GORAB: variants seen among roughly 807,000 people sequenced by gnomAD.
GORAB encodes the protein RAB6-interacting golgin.
In GORAB, 17 loss-of-function variants were observed where a neutral mutation model predicts 29.9. The observed-to-expected ratio is 0.57, with a 90% CI of 0.39 to 0.85. The LOEUF is 0.85. Among genes scored for constraint, GORAB ranks in the 40% least tolerant of loss-of-function variants. GORAB has a pLI of 0.00. For missense variants in GORAB, 442 were observed against 437.8 expected (o/e 1.01, Z -0.09); for synonymous variants, 183 against 157.2 (o/e 1.16, Z -1.23).
chr1:170,537,950 T>C (rs1326156250), intron 1 of GORAB, among the ~76,000 whole-genome samples: 1 of 152,198 alleles, frequency 6.6e-6, no homozygotes, highest in African/African-American at 2.4e-5. Context: ...TAAGTGACAT[T>C]TTTTGATGGT....
chr1:170,541,143 G>A (rs886948834), intron 2 of GORAB, among the ~76,000 whole-genome samples: 2 of 138,862 alleles, frequency 1.4e-5, no homozygotes, highest in African/African-American at 5.3e-5. Flanking sequence ...GGTGGACGTT[G>A]CAGTGAGCCA....
At chr1:170,537,963 G>C (rs1001579483) in intron 1 of GORAB, among the ~76,000 whole-genome samples, 2 of 152,140 alleles carry the variant, frequency 1.3e-5, no homozygotes, top group African/African-American at 4.8e-5. Context: ...TTGATGGTGT[G>C]AATAAAGATC....
At chr1:170,545,783 TAAGA>T in intron 4 of GORAB, 1 of 973,212 alleles carries the variant, frequency 1.0e-6, no homozygotes, top group Non-Finnish European at 1.2e-6. Flanking sequence ...GTTGAGTGTT[TAAGA>T]AAGAGTCTTG....
At position 170,547,060 on chromosome 1, in the gene GORAB, T is replaced by C. The variant is rs527751768; in HGVS notation, c.662+2215T>C. ...ACAAAGACTTTGGTGACTAGAACCGTAGTGTGTCTTGTTCATGCGTAAGAT... is the reference window on the plus strand; with the variant it reads ...ACAAAGACTTTGGTGACTAGAACCGCAGTGTGTCTTGTTCATGCGTAAGAT... On this transcript the variant is annotated intron_variant, in intron 4 of 4. Transcript: ENST00000367763. Among the ~76,000 whole-genome samples, 12 of 152,276 alleles carry C rather than the reference T, an allele frequency of 7.9e-5. No homozygotes were observed. In the East Asian group the frequency reaches 2.1e-3, roughly 27 times the overall value.
At chr1:170,535,693 A>G (rs887463608) in intron 1 of GORAB, among the ~76,000 whole-genome samples, 1 of 152,034 alleles carries the variant, frequency 6.6e-6, no homozygotes, top group African/African-American at 2.4e-5. Context: ...GCTGTGTGCC[A>G]TTACACCATG....
At position 170,552,798 on chromosome 1, in the gene GORAB, T is replaced by TA; in HGVS notation, c.*337dup. The TA allele has an allele frequency of 2.2e-6, 1 of 459,462 alleles. No individual in the cohort carries two copies. Among genetic ancestry groups the TA allele is most frequent in the Admixed American group, 2.3e-5 (1 of 42,690 alleles). 28.5% of individuals were successfully genotyped at this position (459,462 alleles called of 1,614,324 possible). A position where few individuals can be genotyped will look rare whatever the true frequency, so the allele number is the denominator to read the frequency against. The stretch of plus-strand genomic sequence containing the variant: ...TATAGAAAAGTAAAATGGAAAATGA[T>TA]ACTCAATACCTAGTTAAACTCATTT... On this transcript the variant is annotated 3_prime_UTR_variant, in exon 5 of 5. Coordinates refer to ENST00000367763, the MANE Select transcript of GORAB (RefSeq NM_152281.3).
chr1:170,551,967 T>G (rs780279060), intron 4 of GORAB, 48 bp from the exon 5 acceptor site: 2 of 1,511,380 alleles, frequency 1.3e-6, no homozygotes, highest in Non-Finnish European at 1.8e-6. Flanking sequence ...TTTGAATATC[T>G]TCTTCAATGG....
At position 170,552,385 on chromosome 1, in the gene GORAB, T is replaced by A. The variant is rs1571262771; in HGVS notation, c.1033T>A (p.Ser345Thr). 8.1e-6 allele frequency: 13 copies of A among 1,614,080 alleles called. No individual in the cohort carries two copies. Among genetic ancestry groups the A allele is most frequent in the Non-Finnish European group, 1.0e-5 (12 of 1,179,960 alleles). Residue 345 changes from serine (S) to threonine (T), a missense_variant, in exon 5 of 5, where the codon TCC becomes ACC. Coordinates refer to ENST00000367763, the MANE Select transcript of GORAB (RefSeq NM_152281.3). ...AAAGGTAGATGACCAGTGTGGAAAT[T>A]CCAGTAGCATCCCCTTTCTTAGTCC... ...SPKVDDQCGN[S>T]SSIPFLSPNC...
chr1:170,550,555 G>T (rs1468364723), intron 4 of GORAB, among the ~76,000 whole-genome samples: 4 of 152,224 alleles, frequency 2.6e-5, no homozygotes, highest in Non-Finnish European at 5.9e-5. Context: ...TCCACAAGAA[G>T]CCTTGACCGA....
chr1:170,532,406 A>G (rs1244465393), intron 1 of GORAB, 122 bp downstream of exon 1: 1 of 1,073,498 alleles, frequency 9.3e-7, no homozygotes, highest in Non-Finnish European at 1.4e-6. Context: ...AAGGCGCTGT[A>G]AGTACGTGGA....
chr1:170,533,764 C>CTTCAA (rs1648865509), intron 1 of GORAB: 1 of 314,822 alleles, frequency 3.2e-6, no homozygotes, highest in Non-Finnish European at 6.7e-6. Flanking sequence ...AGGACCTGAA[C>CTTCAA]TTCAAGGCCC....
chr1:170,552,395 T>G lies in GORAB; in HGVS notation c.1043T>G (p.Ile348Ser). 12 of 1,614,066 alleles carry G rather than the reference T, an allele frequency of 7.4e-6. No individual in the cohort carries two copies. The highest frequency in any genetic ancestry group is 1.0e-5 in the Non-Finnish European group (12 of 1,179,944). ...VDDQCGNSSS[I>S]PFLSPNCPNQ... Reference sequence around the variant, plus strand: ...GACCAGTGTGGAAATTCCAGTAGCATCCCCTTTCTTAGTCCAAACTGCCCA... The same window carrying G: ...GACCAGTGTGGAAATTCCAGTAGCAGCCCCTTTCTTAGTCCAAACTGCCCA... The change falls in exon 5 of 5, where the codon ATC becomes AGC. Residue 348 changes from isoleucine (I) to serine (S), a missense_variant. By Grantham distance (142) the Ile-to-Ser change is moderately radical. Transcript: ENST00000367763.
At chr1:170,536,629 G>C (rs556798548) in intron 1 of GORAB, among the ~76,000 whole-genome samples, 2 of 152,264 alleles carry the variant, frequency 1.3e-5, no homozygotes, top group Non-Finnish European at 2.9e-5. Context: ...TAAAATAAGA[G>C]ACACATTATT....
intron 4 of GORAB, chr1:170,545,692 G>T: frequency 1.0e-6 from 1 of 984,300 alleles, no homozygotes; most frequent in African/African-American, 1.7e-5. Flanking sequence ...GCCTCATTAG[G>T]CCAGGGTAAA....
intron 4 of GORAB, chr1:170,545,187 CA>C: frequency 2.0e-6 from 2 of 1,012,566 alleles, no homozygotes; most frequent in Non-Finnish European, 2.4e-6. Flanking sequence ...GTGGTTTCGC[CA>C]AAACTGTTAC....
chr1:170,552,711 G>T lies in GORAB; in HGVS notation c.*249G>T. On this transcript the variant is annotated 3_prime_UTR_variant, in exon 5 of 5. Transcript: ENST00000367763. ...GTTCCGTTTACCCTTTTTACTGAAA[G>T]TAAGTGACTTAAAAGGATGGAAGAA... The T allele has an allele frequency of 1.8e-6, 1 of 541,924 alleles. No individual in the cohort carries two copies. The highest frequency in any genetic ancestry group is 2.2e-5 in the Admixed American group (1 of 45,280). The allele number at this position is 541,924 out of a possible 1,614,324, so 33.6% of individuals were successfully genotyped here.
Position 170,553,194 on chromosome 1 carries a change from T to C in GORAB, c.*732T>C, listed in dbSNP as rs964187399. On this transcript the variant is annotated 3_prime_UTR_variant, in exon 5 of 5. Transcript: ENST00000367763. ...TAAATTTAGACAATTAAAACATTTC[T>C]AAAGTGAGACTGAAAATAATATAGA... The C allele has an allele frequency of 1.2e-5, 5 of 433,082 alleles. No individual in the cohort carries two copies. Among genetic ancestry groups the C allele is most frequent in the African/African-American group, 1.0e-4 (5 of 48,808 alleles). The allele number at this position is 433,082 out of a possible 1,614,324, so 26.8% of individuals were successfully genotyped here.
At chr1:170,548,351 C>CTT (rs397753644) in intron 4 of GORAB, among the ~76,000 whole-genome samples, 1 of 151,900 alleles carries the variant, frequency 6.6e-6, no homozygotes, top group Non-Finnish European at 1.5e-5. Flanking sequence ...ATAAACTCCT[C>CTT]AAAACCTTTA....
At chr1:170,543,257 T>C (rs1200648386) in intron 3 of GORAB, among the ~76,000 whole-genome samples, 1 of 152,262 alleles carries the variant, frequency 6.6e-6, no homozygotes, top group Non-Finnish European at 1.5e-5. Flanking sequence ...CCACTCTTGC[T>C]GAGTTTGTAG....
Sources: gnomAD v4.1 joint callset for allele counts (sites outside exome capture counted in the v4.1 genomes callset) on GRCh38, gnomAD v4.1.1 for gene constraint, MANE v1.5 for transcripts, NCBI Gene and HGNC (gene_info 2026-07-23, HGNC 2026-07-21) for gene names.